The following MORC2 variants were observed in gnomAD, a reference collection of about 807,000 sequenced individuals.
The protein encoded by MORC2 is ATPase MORC2.
A neutral mutation model predicts 136.0 loss-of-function variants in MORC2; 30 were observed. The ratio of observed to expected loss-of-function variants is 0.22; its 90% confidence interval spans 0.17 to 0.30. The LOEUF is 0.30. Among genes scored for constraint, MORC2 ranks in the 10% least tolerant of loss-of-function variants. The probability of loss-of-function intolerance (pLI) is 1.00; values close to 1 mark genes in which losing one functional copy is unlikely to be tolerated. For missense variants in MORC2, 922 were observed against 1,333.1 expected, an observed-to-expected ratio of 0.69 and a Z score of 4.80; for synonymous variants, 439 against 487.0, an observed-to-expected ratio of 0.90 and a Z score of 1.30.
At position 30,932,598 on chromosome 22, in the gene MORC2, G is replaced by A; in HGVS notation, c.2694C>T (p.Thr898=). ...TCTCGTGATTGGTGCTCAGGGCAGT[G>A]GTGTCAGGCTCAATGCGGAGGCATT... ...TSECLRIEPD[T]TALSTNHETI... The change falls in exon 23 of 26, where the codon ACC becomes ACT. Residue 898 remains threonine, a synonymous_variant. Transcript: ENST00000397641. This position sits in a 1 kb window ranked among gnomAD's most constrained non-coding sequence, Gnocchi z 4.4. 6.2e-7 allele frequency: 1 copy of A among 1,614,188 alleles called. No homozygotes were observed. Among genetic ancestry groups the A allele is most frequent in the Non-Finnish European group, 8.5e-7 (1 of 1,180,038 alleles).
chr22:30,963,510 G>A (rs1022195775), intron 1 of MORC2, among the ~76,000 whole-genome samples: 12 of 151,172 alleles, frequency 7.9e-5, no homozygotes, highest in Admixed American at 1.3e-4. Flanking sequence ...TCAGACTCCC[G>A]AGTAGCTGGG....
At position 30,926,288 on chromosome 22, in the gene MORC2, T is replaced by C. The variant is rs2040480620; in HGVS notation, c.*515A>G. ...GCTGCGAGAGAGAGAGCCCCTCCAA[T>C]GTGGAACCTCCTACACAGCCCCCCT... On this transcript the variant is annotated 3_prime_UTR_variant, in exon 26 of 26. Transcript: ENST00000397641. The C allele has an allele frequency of 1.3e-5, 2 of 152,296 alleles. No individual in the cohort carries two copies. The highest frequency in any genetic ancestry group is 1.3e-4 in the Admixed American group (2 of 15,264). 9.4% of individuals were successfully genotyped at this position (152,296 alleles called of 1,614,324 possible). A position where few individuals can be genotyped will look rare whatever the true frequency, so the allele number is the denominator to read the frequency against.
chr22:30,966,371 A>G (rs908043431), intron 1 of MORC2, among the ~76,000 whole-genome samples: 8 of 152,216 alleles, frequency 5.3e-5, no homozygotes, highest in Non-Finnish European at 8.8e-5. Flanking sequence ...AAAGGACACT[A>G]AAGTTTTTTC....
In MORC2 at chr22:30,934,902, A is replaced by G. The variant is rs142307145; in HGVS notation, c.2072T>C (p.Leu691Pro). 1.4e-5 allele frequency: 23 copies of G among 1,614,042 alleles called. No individual in the cohort carries two copies. Among genetic ancestry groups the G allele is most frequent in the Non-Finnish European group, 1.9e-5 (22 of 1,180,042 alleles). The change falls in exon 19 of 26, where the codon CTG becomes CCG. Residue 691 changes from leucine (L) to proline (P), a missense_variant. By Grantham distance (98) the Leu-to-Pro change is moderately conservative. This residue lies in a region of MORC2 where 184 missense variants were observed against 180.3 expected (regional missense o/e 1.02). Transcript: ENST00000397641. The surrounding 1 kb of genome is among the most constrained non-coding windows in gnomAD (Gnocchi z 4.4). Reference sequence around the variant, plus strand: ...TAAAGATGGTGACAGTTGCTGCACCAGAGGGGCAGGTCGGGATGCAGTCTT... The same window carrying G: ...TAAAGATGGTGACAGTTGCTGCACCGGAGGGGCAGGTCGGGATGCAGTCTT... ...LVKTASRPAP[L>P]VQQLSPSLLP...
chr22:30,945,281 C>T (rs1321977362), intron 6 of MORC2, among the ~76,000 whole-genome samples: 2 of 152,226 alleles, frequency 1.3e-5, no homozygotes, highest in Non-Finnish European at 2.9e-5. Flanking sequence ...TCACATACCA[C>T]ACCAAAAAGG....
At chr22:30,966,881 A>G (rs2041136232) in intron 1 of MORC2, among the ~76,000 whole-genome samples, 1 of 152,348 alleles carries the variant, frequency 6.6e-6, no homozygotes, top group Admixed American at 6.5e-5. Context: ...AAGGAAAAAT[A>G]GAAATATTAC....
Position 30,932,391 on chromosome 22 carries a change from TAGCACTC to T in MORC2, c.2802_2808del (p.Ser935Ter). On this transcript the variant is annotated frameshift_variant, in exon 24 of 26. Transcript: ENST00000397641. LOFTEE classifies it high-confidence loss of function. The surrounding 1 kb of genome is among the most constrained non-coding windows in gnomAD (Gnocchi z 4.4). ...AAAGATATTAGCTCATCTGAATTCA[TAGCACTC>T]AGCTGCTTCTTGGAGATGGGGAAAC... 2 of 1,614,052 alleles carry T rather than the reference TAGCACTC, an allele frequency of 1.2e-6. No individual in the cohort carries two copies. Among genetic ancestry groups the T allele is most frequent in the Non-Finnish European group, 1.7e-6 (2 of 1,179,926 alleles).
chr22:30,956,023 A>G (rs2040962855), intron 3 of MORC2, among the ~76,000 whole-genome samples: 1 of 151,914 alleles, frequency 6.6e-6, no homozygotes, highest in Non-Finnish European at 1.5e-5. Context: ...AAAAAAAAAA[A>G]AAAGCTGTCT....
intron 1 of MORC2, among the ~76,000 whole-genome samples, chr22:30,963,768 T>TA (rs1430739156): frequency 6.6e-6 from 1 of 152,148 alleles, no homozygotes; most frequent in Non-Finnish European, 1.5e-5. Flanking sequence ...ACCTGTAAAT[T>TA]AGCTTGTTAT....
At position 30,934,035 on chromosome 22, in the gene MORC2, T is replaced by TGA; in HGVS notation, c.2325+23_2325+24dup. ...CTGCAGGCCCTAGAGAGAGAGGCTT[T>TGA]GAGAACCTCACCTCAACCACTCACC... On this transcript the variant is annotated intron_variant, in intron 20 of 25. Transcript: ENST00000397641. The surrounding 1 kb of genome is among the most constrained non-coding windows in gnomAD (Gnocchi z 4.4). 14 of 1,613,678 alleles carry TGA rather than the reference T, an allele frequency of 8.7e-6. No individual in the cohort carries two copies. The highest frequency in any genetic ancestry group is 1.2e-5 in the Non-Finnish European group (14 of 1,179,740).
At chr22:30,945,730 T>A (rs2147274961) in intron 6 of MORC2, among the ~76,000 whole-genome samples, 1 of 152,352 alleles carries the variant, frequency 6.6e-6, no homozygotes, top group Non-Finnish European at 1.5e-5. Flanking sequence ...TCTGGATTCA[T>A]TAGTCCTTCC....
chr22:30,963,199 A>T, intron 1 of MORC2: 1 of 430,400 alleles, frequency 2.3e-6, no homozygotes, highest in Non-Finnish European at 3.1e-6. Context: ...GATGGTCTCA[A>T]TCTCCTGACC....
Position 30,937,365 on chromosome 22 carries a change from G to T in MORC2, c.1498+218C>A, listed in dbSNP as rs941157039. On this transcript the variant is annotated intron_variant, in intron 15 of 25. Transcript: ENST00000397641. This position sits in a 1 kb window ranked among gnomAD's most constrained non-coding sequence, Gnocchi z 4.7. ...GGCCTGGCTGCAGCTGGAGAGGCCTGGGAGGACAGATGACCTTCTTTCTCA... is the reference window on the plus strand; with the variant it reads ...GGCCTGGCTGCAGCTGGAGAGGCCTTGGAGGACAGATGACCTTCTTTCTCA... Among the ~76,000 whole-genome samples the T allele has an allele frequency of 6.6e-6, 1 of 152,158 alleles. No homozygotes were observed. Among genetic ancestry groups the T allele is most frequent in the Non-Finnish European group, 1.5e-5 (1 of 68,022 alleles).
At position 30,935,032 on chromosome 22, in the gene MORC2, T is replaced by C. The variant is rs200703581; in HGVS notation, c.1942A>G (p.Ser648Gly). ...ASQPRKAPVI[S>G]STPKLPALAA... is the part of the protein sequence containing the mutation. ...AAAGCAGGGAGCTTTGGGGTACTGC[T>C]GATGACAGGAGCCTTTCGGGGCTGG... Residue 648 changes from serine to glycine, a missense_variant, in exon 19 of 26, where the codon AGC becomes GGC. Ser to Gly is a moderately conservative substitution (Grantham distance 56, BLOSUM62 0). This residue lies in a region of MORC2 where 184 missense variants were observed against 180.3 expected (regional missense o/e 1.02). Transcript: ENST00000397641. 2.0e-5 allele frequency: 32 copies of C among 1,613,944 alleles called. No individual in the cohort carries two copies. Among genetic ancestry groups the C allele is most frequent in the Middle Eastern group, 3.3e-4 (2 of 6,062 alleles).
chr22:30,962,566 AC>A (rs1359972072), intron 1 of MORC2, among the ~76,000 whole-genome samples: 1 of 150,836 alleles, frequency 6.6e-6, no homozygotes, highest in Non-Finnish European at 1.5e-5. Context: ...CGGCACACCA[AC>A]CTGGCTGAAA....
intron 3 of MORC2, among the ~76,000 whole-genome samples, chr22:30,952,409 G>T (rs2040902645): frequency 6.6e-6 from 1 of 152,224 alleles, no homozygotes; most frequent in Non-Finnish European, 1.5e-5. Flanking sequence ...CTAGGCTCTT[G>T]TGTTAGGATA....
intron 1 of MORC2, among the ~76,000 whole-genome samples, chr22:30,964,324 T>G (rs2041093112): frequency 6.6e-6 from 1 of 151,864 alleles, no homozygotes. Context: ...GCCACTGCAC[T>G]CCAGCCTGGG....
rs1345535484 is a variant in MORC2 at position 30,941,436 on chromosome 22, G to A, written c.821C>T (p.Pro274Leu). The change falls in exon 9 of 26, where the codon CCC (proline) becomes CTC (leucine). Residue 274 changes from proline (P) to leucine (L), a missense_variant. By Grantham distance (98) the Pro-to-Leu change is moderately conservative. Transcript: ENST00000397641. This position sits in a 1 kb window ranked among gnomAD's most constrained non-coding sequence, Gnocchi z 4.6. ...GCCAAGGGGCACTGGCCCCTACCTGGGCTTGTACAGGCAGCAGGAGAGCCT... is the reference window on the plus strand; with the variant it reads ...GCCAAGGGGCACTGGCCCCTACCTGAGCTTGTACAGGCAGCAGGAGAGCCT... The part of the protein sequence containing the change: ...TKRLSCCLYK[P>L]RMYKYTSSRF... 6.2e-7 allele frequency: 1 copy of A among 1,613,670 alleles called. No homozygotes were observed. The highest frequency in any genetic ancestry group is 1.3e-5 in the African/African-American group (1 of 74,934).
chr22:30,960,650 G>A (rs373029791), intron 1 of MORC2, among the ~76,000 whole-genome samples: 5 of 150,828 alleles, frequency 3.3e-5, no homozygotes, highest in East Asian at 2.0e-4. Flanking sequence ...CACCATGCCC[G>A]GCTAATTTTT....
Sources: allele counts gnomAD v4.1 joint callset (sites outside exome capture counted in the v4.1 genomes callset), GRCh38; gene constraint gnomAD v4.1.1; regional missense constraint gnomAD v4.1.1; non-coding constraint Gnocchi (gnomAD v3.1); transcripts MANE v1.5; gene names NCBI Gene and HGNC (gene_info 2026-07-23, HGNC 2026-07-21).